SVEP1: variants seen among roughly 807,000 people sequenced by gnomAD.
The protein encoded by SVEP1 is sushi, von Willebrand factor type A, EGF and pentraxin domain containing 1.
SVEP1 carries 164 observed loss-of-function variants against 367.3 expected under a neutral mutation model. The ratio of observed to expected loss-of-function variants is 0.45; its 90% CI spans 0.39 to 0.51. The LOEUF (loss-of-function observed/expected upper bound fraction) is 0.51. Among genes scored for constraint, SVEP1 ranks in the 20% least tolerant of loss-of-function variants. SVEP1 has a pLI of 0.00. For synonymous variants in SVEP1, 1,666 were observed against 1,611.6 expected, an observed-to-expected ratio of 1.03 and a Z score of -0.81; for missense variants, 4,117 against 4,425.3, an observed-to-expected ratio of 0.93 and a Z score of 1.98.
chr9:110,481,788 C>G (rs898801847), intron 11 of SVEP1, among the ~76,000 whole-genome samples: 1 of 152,160 alleles, frequency 6.6e-6, no homozygotes, highest in Non-Finnish European at 1.5e-5. Context: ...TCTCGACTCA[C>G]TGCAGCCTCT....
chr9:110,508,776 A>G (rs1015188254), intron 5 of SVEP1, among the ~76,000 whole-genome samples: 5 of 149,982 alleles, frequency 3.3e-5, no homozygotes, highest in South Asian at 4.2e-4. Flanking sequence ...AAAAAAAAAA[A>G]AAAAAAAGAA....
In SVEP1 at chr9:110,366,365, G is replaced by A. The variant is rs757122783; in HGVS notation, c.*174C>T. The A allele has an allele frequency of 4.2e-5, 21 of 496,344 alleles. No individual in the cohort carries two copies. Among genetic ancestry groups the A allele is most frequent in the African/African-American group, 1.4e-4 (7 of 50,904 alleles). 30.7% of individuals were successfully genotyped at this position (496,344 alleles called of 1,614,324 possible). On this transcript the variant is annotated 3_prime_UTR_variant, in exon 48 of 48. Transcript: ENST00000374469. ...AAAATGGAAACATGTAAGAAAGTAT[G>A]TCACAAGGAATAACAAAATATATCA...
chr9:110,482,860 G>A (rs532534657), intron 10 of SVEP1, among the ~76,000 whole-genome samples: 256 of 152,236 alleles, frequency 1.7e-3, no homozygotes, highest in African/African-American at 5.9e-3. Context: ...TATTTAATTT[G>A]AAGTTTCATG....
intron 15 of SVEP1, 86 bp downstream of exon 15, chr9:110,472,070 AATG>A: frequency 2.3e-6 from 3 of 1,299,462 alleles, no homozygotes; most frequent in Non-Finnish European, 3.2e-6. Flanking sequence ...ATTTCCTAAT[AATG>A]ATAACAAATG....
intron 3 of SVEP1, among the ~76,000 whole-genome samples, chr9:110,543,911 C>T (rs1234799289): frequency 6.6e-6 from 1 of 152,090 alleles, no homozygotes; most frequent in Admixed American, 6.6e-5. Flanking sequence ...GGCAGTTGAG[C>T]TGATCTGCTC....
intron 27 of SVEP1, among the ~76,000 whole-genome samples, chr9:110,441,275 C>T (rs1048863166): frequency 6.6e-6 from 1 of 152,090 alleles, no homozygotes; most frequent in East Asian, 1.9e-4. Flanking sequence ...TCAAAAGCAG[C>T]CTCTATATTA....
intron 14 of SVEP1, among the ~76,000 whole-genome samples, chr9:110,474,538 G>A (rs937482107): frequency 1.3e-5 from 2 of 152,028 alleles, no homozygotes; most frequent in African/African-American, 2.4e-5. Flanking sequence ...ACCCTTATTA[G>A]GTGACAAATA....
At position 110,546,248 on chromosome 9, in the gene SVEP1, G is replaced by A. The variant is rs1357354567; in HGVS notation, c.831C>T (p.Cys277=). The A allele has an allele frequency of 1.3e-6, 2 of 1,593,100 alleles. No individual in the cohort carries two copies. Among genetic ancestry groups the A allele is most frequent in the East Asian group, 4.5e-5 (2 of 44,198 alleles). Reference sequence around the variant, plus strand: ...CCTTGCCTTCATCACAAAGATATGAGCAGTGGACCATATCATCTTGAATAA... The same window carrying A: ...CCTTGCCTTCATCACAAAGATATGAACAGTGGACCATATCATCTTGAATAA... The part of the protein sequence containing the change: ...GSFIQDDMVH[C]SYLCDEGKDC... The change falls in exon 3 of 48, where the codon TGC becomes TGT. Residue 277 remains cysteine (C), a synonymous_variant. Coordinates refer to ENST00000374469, the MANE Select transcript of SVEP1 (RefSeq NM_153366.4).
chr9:110,449,190 A>G (rs552121385), intron 24 of SVEP1, among the ~76,000 whole-genome samples: 62 of 152,262 alleles, frequency 4.1e-4, no homozygotes, highest in Admixed American at 1.4e-3. Context: ...TTGTTTTTCA[A>G]ACTGTATTCT....
chr9:110,509,092 C>G (rs1339609133), intron 5 of SVEP1, among the ~76,000 whole-genome samples: 1 of 152,072 alleles, frequency 6.6e-6, no homozygotes, highest in East Asian at 1.9e-4. Context: ...GAAATCCTAC[C>G]CAACGGCCAT....
chr9:110,549,757 G>A (rs1246791843), intron 2 of SVEP1, 92 bp downstream of exon 2: 2 of 1,502,652 alleles, frequency 1.3e-6, no homozygotes, highest in African/African-American at 2.8e-5. Flanking sequence ...CCTTGTGAGA[G>A]TTTGATATTA....
chr9:110,515,036 A>C (rs1050980428), intron 3 of SVEP1, among the ~76,000 whole-genome samples: 3 of 152,248 alleles, frequency 2.0e-5, no homozygotes, highest in Non-Finnish European at 4.4e-5. Context: ...TCATGGAAAA[A>C]AAAGATTAAA....
At chr9:110,388,935 C>T (rs2118967689) in intron 41 of SVEP1, among the ~76,000 whole-genome samples, 1 of 151,868 alleles carries the variant, frequency 6.6e-6, no homozygotes, top group Admixed American at 6.5e-5. Context: ...CACTACTGCA[C>T]TCCACCCTGG....
intron 18 of SVEP1, among the ~76,000 whole-genome samples, chr9:110,461,910 C>T (rs148798847): frequency 4.6e-5 from 7 of 152,050 alleles, no homozygotes; most frequent in African/African-American, 7.2e-5. Flanking sequence ...CTCTGTTATT[C>T]GCACAAACTG....
At chr9:110,410,487 CT>C (rs1828028595) in intron 37 of SVEP1, among the ~76,000 whole-genome samples, 1 of 152,066 alleles carries the variant, frequency 6.6e-6, no homozygotes, top group South Asian at 2.1e-4. Context: ...CCATTTAGAC[CT>C]TGCCTTCTAT....
At chr9:110,478,918 TTTCTTC>T (rs139210042) in intron 13 of SVEP1, among the ~76,000 whole-genome samples, 1 of 150,086 alleles carries the variant, frequency 6.7e-6, no homozygotes, top group Non-Finnish European at 1.5e-5. Flanking sequence ...TTTTCTTTTC[TTTCTTC>T]TTCTTTTTTT....
At chr9:110,505,372 T>C (rs1829608073) in intron 5 of SVEP1, among the ~76,000 whole-genome samples, 2 of 152,132 alleles carry the variant, frequency 1.3e-5, no homozygotes, top group Non-Finnish European at 2.9e-5. Context: ...TTATCCCTCA[T>C]CCACCAGGGT....
rs968827127 is a variant in SVEP1, at chr9:110,431,995, T to C, written c.5273A>G (p.His1758Arg). The change falls in exon 32 of 48, where the codon CAT becomes CGT. Residue 1758 changes from histidine to arginine, a missense_variant. His to Arg is a conservative substitution (Grantham distance 29, BLOSUM62 0). Coordinates refer to ENST00000374469, the MANE Select transcript of SVEP1 (RefSeq NM_153366.4). The stretch of plus-strand genomic sequence containing the variant: ...TCCATCTACGTTCAGGCAAGAAGCA[T>C]GCTCACTACAATCTGATCCAACTGC... ...ECAVGSDCSE[H>R]ASCLNVDGSY... The C allele has an allele frequency of 6.2e-7, 1 of 1,613,462 alleles. No individual in the cohort carries two copies. Among genetic ancestry groups the C allele is most frequent in the Non-Finnish European group, 8.5e-7 (1 of 1,179,656 alleles).
In SVEP1 at chr9:110,455,697, T is replaced by C; in HGVS notation, c.3680A>G (p.Lys1227Arg). Residue 1227 changes from lysine (K) to arginine (R), a missense_variant, in exon 22 of 48, where the codon AAG (lysine) becomes AGG (arginine). Coordinates refer to ENST00000374469, the MANE Select transcript of SVEP1 (RefSeq NM_153366.4). ...CLCPLGYTGL[K>R]CETDIDECSP... Reference sequence around the variant, plus strand: ...GCACTCATCGATGTCTGTTTCACACTTTAAGCCTACAATGTAAACCAAATG... The same window carrying C: ...GCACTCATCGATGTCTGTTTCACACCTTAAGCCTACAATGTAAACCAAATG... 6.2e-7 allele frequency: 1 copy of C among 1,610,098 alleles called. No individual in the cohort carries two copies. Among genetic ancestry groups the C allele is most frequent in the Non-Finnish European group, 8.5e-7 (1 of 1,178,132 alleles).
Sources: gnomAD v4.1 joint callset for allele counts (sites outside exome capture counted in the v4.1 genomes callset) on GRCh38, gnomAD v4.1.1 for gene constraint, MANE v1.5 for transcripts, NCBI Gene and HGNC (gene_info 2026-07-23, HGNC 2026-07-21) for gene names.